TENM4: variants seen among roughly 807,000 people sequenced by gnomAD.
The protein encoded by TENM4 is teneurin transmembrane protein 4, also known as teneurin-4.
In TENM4, 82 loss-of-function variants were observed where a neutral mutation model predicts 243.3. The observed-to-expected ratio is 0.34, with a 90% CI of 0.28 to 0.40. The LOEUF (loss-of-function observed/expected upper bound fraction) is 0.40. Ranked by LOEUF, TENM4 falls within the 10% of genes least tolerant of loss-of-function variation. TENM4 has a pLI of 1.00. For synonymous variants in TENM4, 1,412 were observed against 1,456.3 expected (o/e 0.97, Z 0.69); for missense variants, 3,138 against 3,673.3 (o/e 0.85, Z 3.77).
chr11:78,889,956 G>C lies in TENM4; in HGVS notation c.913C>G (p.Leu305Val), dbSNP rs1855625651. The C allele has an allele frequency of 6.4e-7, 1 of 1,551,630 alleles. No homozygotes were observed. The part of the protein sequence containing the change: ...LFCTTSPGYP[L>V]TSSTVYSPPP... ...GGAGAGTACACTGTGCTGGACGTCA[G>C]TGGGTACCCTGGTGATGTGGTGCAG... The change falls in exon 9 of 34, where the codon CTG becomes GTG. Residue 305 changes from leucine (L) to valine (V), a missense_variant. Coordinates refer to ENST00000278550, the MANE Select transcript of TENM4 (RefSeq NM_001098816.3).
At chr11:78,885,818 G>A (rs1022958183) in intron 9 of TENM4, among the ~76,000 whole-genome samples, 13 of 152,102 alleles carry the variant, frequency 8.5e-5, no homozygotes, top group Admixed American at 2.6e-4. Flanking sequence ...CCGGCTGCTC[G>A]GGAGGCTGAG....
At chr11:79,104,825 C>A (rs1379831737) in intron 4 of TENM4, among the ~76,000 whole-genome samples, 2 of 152,220 alleles carry the variant, frequency 1.3e-5, no homozygotes, top group South Asian at 2.1e-4. Context: ...AAGCACTTTA[C>A]AAGGCTCCAA....
intron 1 of TENM4, among the ~76,000 whole-genome samples, chr11:79,331,774 C>T (rs776317361): frequency 1.2e-4 from 18 of 152,358 alleles, no homozygotes; most frequent in Non-Finnish European, 2.6e-4. Context: ...GCAGGGGAGC[C>T]TCGCAGGGGC....
chr11:78,684,497 A>G (rs1430271793), intron 29 of TENM4, among the ~76,000 whole-genome samples: 1 of 152,034 alleles, frequency 6.6e-6, no homozygotes, highest in South Asian at 2.1e-4. Context: ...TCTCTCCTCT[A>G]TCTCCACCAT....
At chr11:79,303,152 C>T (rs1856576341) in intron 1 of TENM4, among the ~76,000 whole-genome samples, 1 of 152,216 alleles carries the variant, frequency 6.6e-6, no homozygotes, top group South Asian at 2.1e-4. Flanking sequence ...GATTCTGCTT[C>T]AAGATTCCTT....
intron 4 of TENM4, among the ~76,000 whole-genome samples, chr11:79,118,910 T>G (rs1861677579): frequency 6.6e-6 from 1 of 152,224 alleles, no homozygotes. Flanking sequence ...TTAATTCTTT[T>G]GGGTTCCACT....
At chr11:79,367,585 A>C (rs960171075) in intron 1 of TENM4, among the ~76,000 whole-genome samples, 2 of 152,226 alleles carry the variant, frequency 1.3e-5, no homozygotes, top group African/African-American at 2.4e-5. Flanking sequence ...GTGAAAGGAA[A>C]AAATATATTA....
At chr11:79,177,739 G>A (rs1863194038) in intron 3 of TENM4, among the ~76,000 whole-genome samples, 1 of 152,118 alleles carries the variant, frequency 6.6e-6, no homozygotes, top group Admixed American at 6.6e-5. Context: ...AGGTCCAGAG[G>A]TGCAAGGGTG....
At position 78,661,520 on chromosome 11, in the gene TENM4, T is replaced by A. The variant is rs760495327; in HGVS notation, c.7480A>T (p.Met2494Leu). 1.2e-6 allele frequency: 2 copies of A among 1,612,892 alleles called. No individual in the cohort carries two copies. Among genetic ancestry groups the A allele is most frequent in the Admixed American group, 1.7e-5 (1 of 59,892 alleles). Residue 2494 changes from methionine to leucine, a missense_variant, in exon 33 of 34, where the codon ATG becomes TTG. By Grantham distance (15) the Met-to-Leu change is conservative (BLOSUM62 2). This residue lies in a region of TENM4 where 2,467 missense variants were observed against 3,059.1 expected (regional missense o/e 0.81). Coordinates refer to ENST00000278550, the MANE Select transcript of TENM4 (RefSeq NM_001098816.3). ...NVIPGYPKPD[M>L]DAMEPSYELI... Reference sequence around the variant, plus strand: ...TCGTAGGAGGGTTCCATGGCATCCATGTCTGGTTTGGGATAACCAGGGATC... The same window carrying A: ...TCGTAGGAGGGTTCCATGGCATCCAAGTCTGGTTTGGGATAACCAGGGATC...
intron 1 of TENM4, among the ~76,000 whole-genome samples, chr11:79,347,265 C>T (rs1456003046): frequency 6.6e-6 from 1 of 152,158 alleles, no homozygotes; most frequent in Non-Finnish European, 1.5e-5. Context: ...CCCCCATACC[C>T]CACTAGTCAC....
chr11:78,810,985 G>T (rs73498553), intron 14 of TENM4, among the ~76,000 whole-genome samples: 2 of 152,164 alleles, frequency 1.3e-5, no homozygotes, highest in African/African-American at 4.8e-5. Context: ...TGAGTGGGGC[G>T]AAACAGGAAA....
At chr11:79,132,953 A>G (rs907134550) in intron 4 of TENM4, among the ~76,000 whole-genome samples, 1 of 152,190 alleles carries the variant, frequency 6.6e-6, no homozygotes, top group Non-Finnish European at 1.5e-5. Flanking sequence ...AGAAACAAGA[A>G]CAAATCAAAC....
At chr11:79,029,947 A>G (rs1859183612) in intron 6 of TENM4, among the ~76,000 whole-genome samples, 1 of 152,198 alleles carries the variant, frequency 6.6e-6, no homozygotes, top group Admixed American at 6.5e-5. Context: ...ACAGCTGTTA[A>G]ACAGCTGCAT....
intron 4 of TENM4, among the ~76,000 whole-genome samples, chr11:79,123,954 C>G (rs1171330488): frequency 1.3e-5 from 2 of 152,136 alleles, no homozygotes; most frequent in Non-Finnish European, 2.9e-5. Flanking sequence ...ACAGGGAAAA[C>G]TTTCTTTTTC....
chr11:79,130,024 C>T (rs1861968862), intron 4 of TENM4, among the ~76,000 whole-genome samples: 1 of 152,172 alleles, frequency 6.6e-6, no homozygotes, highest in East Asian at 1.9e-4. Context: ...CACTGGTATA[C>T]ACCACTGAGA....
At chr11:79,410,353 T>C (rs1858672039) in intron 1 of TENM4, among the ~76,000 whole-genome samples, 1 of 152,236 alleles carries the variant, frequency 6.6e-6, no homozygotes, top group South Asian at 2.1e-4. Flanking sequence ...TAATTTCCTC[T>C]CTGATCACTT....
intron 1 of TENM4, among the ~76,000 whole-genome samples, chr11:79,439,938 GGCGGGCGCCCC>G (rs1859363516): frequency 6.6e-6 from 1 of 152,026 alleles, no homozygotes; most frequent in East Asian, 2.0e-4. Flanking sequence ...GGTGAGGAGA[GGCGGGCGCCCC>G]GCGGGTTGCA....
chr11:79,116,185 G>A (rs1861615910), intron 4 of TENM4, among the ~76,000 whole-genome samples: 1 of 152,238 alleles, frequency 6.6e-6, no homozygotes, highest in Non-Finnish European at 1.5e-5. Context: ...TCCTCAGAAT[G>A]TTGTTGGGTG....
chr11:79,019,918 T>C (rs1047312201), intron 6 of TENM4, among the ~76,000 whole-genome samples: 4 of 152,136 alleles, frequency 2.6e-5, no homozygotes, highest in African/African-American at 9.7e-5. Context: ...AAGGTGAAAG[T>C]GAAAGACAGG....
Sources: gnomAD v4.1 joint callset for allele counts (sites outside exome capture counted in the v4.1 genomes callset) on GRCh38, gnomAD v4.1.1 for gene constraint, gnomAD v4.1.1 regional missense constraint, MANE v1.5 for transcripts, NCBI Gene and HGNC (gene_info 2026-07-23, HGNC 2026-07-21) for gene names.